Variants in SYNPR observed in about 807,000 individuals in gnomAD.
SYNPR encodes the protein synaptoporin.
SYNPR carries 23 observed loss-of-function variants against 32.9 expected under a neutral mutation model. The ratio of observed to expected loss-of-function variants is 0.70; its 90% CI spans 0.50 to 0.99. The LOEUF (loss-of-function observed/expected upper bound fraction) is 0.99, where lower values mean the gene tolerates loss of function less well. Ranked by LOEUF, SYNPR falls within the 50% of genes least tolerant of loss-of-function variation. The pLI is 0.00. For synonymous variants in SYNPR, 146 were observed against 135.9 expected (o/e 1.07, Z -0.52); for missense variants, 318 against 349.3 (o/e 0.91, Z 0.71).
At chr3:63,610,368 C>A in intron 5 of SYNPR, 1 of 481,794 alleles carries the variant, frequency 2.1e-6, no homozygotes, top group Non-Finnish European at 3.7e-6. Context: ...CAAAAAGCAG[C>A]GGTTATCGAA....
At chr3:63,234,635 A>G (rs1381335473) in intron 1 of SYNPR, among the ~76,000 whole-genome samples, 1 of 152,206 alleles carries the variant, frequency 6.6e-6, no homozygotes, top group Non-Finnish European at 1.5e-5. Context: ...CCCTGTGTGG[A>G]AATGAAAAAT....
intron 4 of SYNPR, among the ~76,000 whole-genome samples, chr3:63,599,463 T>C (rs1462458440): frequency 1.3e-5 from 2 of 152,206 alleles, no homozygotes; most frequent in Non-Finnish European, 2.9e-5. Context: ...ATCATCATGT[T>C]ACAATTGCCT....
At chr3:63,554,467 G>A (rs1702560145) in intron 3 of SYNPR, among the ~76,000 whole-genome samples, 2 of 152,172 alleles carry the variant, frequency 1.3e-5, no homozygotes, top group African/African-American at 4.8e-5. Flanking sequence ...TGAGTAGGGA[G>A]TTCTTTTTCT....
At chr3:63,557,285 C>T (rs1028041278) in intron 4 of SYNPR, among the ~76,000 whole-genome samples, 18 of 152,220 alleles carry the variant, frequency 1.2e-4, no homozygotes, top group Admixed American at 3.3e-4. Flanking sequence ...AAGAGGGTAC[C>T]TAGGCATAGA....
chr3:63,298,458 G>A (rs1409087814), intron 2 of SYNPR, among the ~76,000 whole-genome samples: 3 of 45,196 alleles, frequency 6.6e-5, no homozygotes, highest in Admixed American at 1.8e-4. Context: ...AAGAACCAGC[G>A]TGATGTAATA....
intron 2 of SYNPR, among the ~76,000 whole-genome samples, chr3:63,371,378 T>C (rs2087810524): frequency 6.6e-6 from 1 of 151,694 alleles, no homozygotes; most frequent in Non-Finnish European, 1.5e-5. Flanking sequence ...GTGGGGGAGG[T>C]CAGGCTCCCT....
chr3:63,577,017 G>C (rs1702994494), intron 4 of SYNPR, among the ~76,000 whole-genome samples: 1 of 152,024 alleles, frequency 6.6e-6, no homozygotes, highest in African/African-American at 2.4e-5. Flanking sequence ...TCTATACTGT[G>C]AGGGGGCAAA....
intron 2 of SYNPR, among the ~76,000 whole-genome samples, chr3:63,286,254 T>C (rs941957278): frequency 2.6e-5 from 4 of 152,196 alleles, no homozygotes; most frequent in Non-Finnish European, 4.4e-5. Context: ...GAACGTCTAA[T>C]GGAAGAATTG....
At chr3:63,430,643 T>G (rs1699976282) in intron 2 of SYNPR, among the ~76,000 whole-genome samples, 1 of 152,124 alleles carries the variant, frequency 6.6e-6, no homozygotes, top group African/African-American at 2.4e-5. Context: ...CTCAAAAAAG[T>G]TTATTATATA....
chr3:63,320,902 T>A (rs1473495201), intron 2 of SYNPR, among the ~76,000 whole-genome samples: 1 of 152,084 alleles, frequency 6.6e-6, no homozygotes, highest in Non-Finnish European at 1.5e-5. Context: ...CCATCTCAAA[T>A]AAATTATCAT....
intron 3 of SYNPR, among the ~76,000 whole-genome samples, chr3:63,510,556 C>G (rs1231016899): frequency 6.6e-6 from 1 of 152,066 alleles, no homozygotes; most frequent in Non-Finnish European, 1.5e-5. Context: ...ATCATGCAAC[C>G]CACTGCAATT....
At chr3:63,547,296 T>A (rs1702424991) in intron 3 of SYNPR, among the ~76,000 whole-genome samples, 1 of 152,112 alleles carries the variant, frequency 6.6e-6, no homozygotes, top group South Asian at 2.1e-4. Flanking sequence ...TTTCTTAACT[T>A]AAGCAACCTG....
chr3:63,609,361 C>T, intron 5 of SYNPR, 45 bp downstream of exon 5: 2 of 1,415,366 alleles, frequency 1.4e-6, no homozygotes, highest in Non-Finnish European at 1.9e-6. Flanking sequence ...TCTTTGTTTG[C>T]CAGTCAAAAT....
At chr3:63,336,691 G>A (rs910691595) in intron 2 of SYNPR, among the ~76,000 whole-genome samples, 1 of 151,658 alleles carries the variant, frequency 6.6e-6, no homozygotes, top group African/African-American at 2.4e-5. Flanking sequence ...TCTTGGATTT[G>A]GTAATGATTA....
chr3:63,559,812 A>G (rs1453982533), intron 4 of SYNPR, among the ~76,000 whole-genome samples: 4 of 152,028 alleles, frequency 2.6e-5, no homozygotes, highest in Admixed American at 1.3e-4. Flanking sequence ...GTACAGATGG[A>G]CATACCTAAG....
chr3:63,329,239 C>A (rs11715570), intron 2 of SYNPR, among the ~76,000 whole-genome samples: 13,891 of 152,148 alleles, frequency 0.091, 858 homozygotes, highest in Non-Finnish European at 0.14. Context: ...ATGTATCAGT[C>A]ACAAAGCTGG....
intron 2 of SYNPR, among the ~76,000 whole-genome samples, chr3:63,290,080 A>G (rs1192868382): frequency 6.6e-6 from 1 of 150,700 alleles, no homozygotes; most frequent in Non-Finnish European, 1.5e-5. Context: ...CAGTGAGCAG[A>G]GATCACGCCA....
chr3:63,507,134 G>T (rs1448922214), intron 3 of SYNPR, among the ~76,000 whole-genome samples: 1 of 151,184 alleles, frequency 6.6e-6, no homozygotes, highest in African/African-American at 2.4e-5. Context: ...GTGACAGAGC[G>T]AGACTCTGTC....
At chr3:63,546,893 G>A (rs569023303) in intron 3 of SYNPR, among the ~76,000 whole-genome samples, 19 of 152,192 alleles carry the variant, frequency 1.2e-4, no homozygotes, top group South Asian at 6.2e-4. Flanking sequence ...GCAAGCCTTG[G>A]AGATGAAACT....
Sources: gnomAD v4.1 joint callset for allele counts (sites outside exome capture counted in the v4.1 genomes callset) on GRCh38, gnomAD v4.1.1 for gene constraint, MANE v1.5 for transcripts, NCBI Gene and HGNC (gene_info 2026-07-23, HGNC 2026-07-21) for gene names.